Variants in YTHDF1 observed in about 807,000 individuals in gnomAD.
YTHDF1 encodes the protein YTH domain-containing family protein 1.
Under a neutral mutation model 49.1 loss-of-function variants are expected in YTHDF1, and 16 were observed. The observed-to-expected ratio is 0.33, with a 90% CI of 0.22 to 0.49. YTHDF1 has a LOEUF of 0.49. YTHDF1 is among the 20% of genes least tolerant of loss of function. YTHDF1 has a pLI of 0.99. For missense variants in YTHDF1, 621 were observed against 744.3 expected (o/e 0.83, Z 1.93); for synonymous variants, 313 against 290.1 (o/e 1.08, Z -0.80).
rs969750222 is a variant in YTHDF1, at chr20:63,203,865, C to T, written c.133-58G>A. The T allele has an allele frequency of 2.3e-5, 35 of 1,496,184 alleles. No individual in the cohort carries two copies. The South Asian group carries it at 4.3e-4, about 18-fold the overall frequency. 92.7% of individuals were successfully genotyped at this position (1,496,184 alleles called of 1,614,324 possible). ...TCTACAACACGAGATGCTGAGAATG[C>T]CAACCGCCTCTTGCTTAAGCACAGG... is the stretch of plus-strand genomic sequence containing the variant. On this transcript the variant is annotated intron_variant, in intron 3 of 4. Coordinates refer to ENST00000370339, the MANE Select transcript of YTHDF1 (RefSeq NM_017798.4). The surrounding 1 kb of genome is among the most constrained non-coding windows in gnomAD (Gnocchi z 4.4).
chr20:63,200,875 TC>T (rs1173340276), intron 4 of YTHDF1, among the ~76,000 whole-genome samples: 1 of 152,068 alleles, frequency 6.6e-6, no homozygotes, highest in Non-Finnish European at 1.5e-5. Context: ...CTTTAGCAAT[TC>T]AGTATTCATT....
intron 4 of YTHDF1, among the ~76,000 whole-genome samples, chr20:63,198,634 CA>C (rs11478753): frequency 0.36 from 51,436 of 144,214 alleles, 8,842 homozygotes; most frequent in Middle Eastern, 0.48. Flanking sequence ...TAAAATTTCT[CA>C]AAAAAAAAAA....
Position 63,213,889 on chromosome 20 carries a change from G to C in YTHDF1, c.107C>G (p.Pro36Arg). ...CTGATTTGACTGTCCAGTAAGGTAG[G>C]GCTCAAAGTCATTGTCATGAACTGT... ...KDTVHDNDFE[P>R]YLTGQSNQSN... Residue 36 changes from proline to arginine, a missense_variant, in exon 3 of 5, where the codon CCC becomes CGC. Coordinates refer to ENST00000370339, the MANE Select transcript of YTHDF1 (RefSeq NM_017798.4). The C allele has an allele frequency of 3.8e-6, 6 of 1,590,054 alleles. No individual in the cohort carries two copies. The highest frequency in any genetic ancestry group is 5.1e-6 in the Non-Finnish European group (6 of 1,173,672).
chr20:63,197,427 G>T (rs908413813), intron 4 of YTHDF1, among the ~76,000 whole-genome samples: 1 of 152,216 alleles, frequency 6.6e-6, no homozygotes, highest in Non-Finnish European at 1.5e-5. Context: ...CTTTTCCAGA[G>T]TGTATGTGAC....
intron 4 of YTHDF1, among the ~76,000 whole-genome samples, chr20:63,200,606 C>A (rs1478618044): frequency 2.0e-5 from 3 of 152,178 alleles, no homozygotes; most frequent in Non-Finnish European, 4.4e-5. Flanking sequence ...CAGATGCCCA[C>A]AGACCCTGCA....
chr20:63,209,351 G>A (rs2066563009), intron 3 of YTHDF1, among the ~76,000 whole-genome samples: 1 of 152,096 alleles, frequency 6.6e-6, no homozygotes, highest in Non-Finnish European at 1.5e-5. Context: ...AAAGCTTTAA[G>A]GTTTTTGACT....
chr20:63,196,988 G>A (rs560944656), intron 4 of YTHDF1, among the ~76,000 whole-genome samples: 43 of 152,230 alleles, frequency 2.8e-4, no homozygotes, highest in African/African-American at 9.9e-4. Flanking sequence ...CGGTCACATG[G>A]GCCACCTGTC....
At chr20:63,211,960 TACAC>T (rs57357558) in intron 3 of YTHDF1, among the ~76,000 whole-genome samples, 26,582 of 143,292 alleles carry the variant, frequency 0.19, 2,522 homozygotes, top group African/African-American at 0.25. Context: ...GTCTCCAAAA[TACAC>T]ACACACACAC....
In YTHDF1 at chr20:63,202,832, T is replaced by C; in HGVS notation, c.1108A>G (p.Lys370Glu). Reference protein sequence around the residue: ...PSVESHPVLEKLKAAHSYNPK... With the variant: ...PSVESHPVLEELKAAHSYNPK... ...TTGTAGCTGTGAGCAGCCTTCAGTT[T>C]TTCAAGGACGGGGTGGGATTCGACG... Residue 370 changes from lysine to glutamate, a missense_variant, in exon 4 of 5, where the codon AAA becomes GAA. Transcript: ENST00000370339. 6.2e-7 allele frequency: 1 copy of C among 1,613,966 alleles called. No individual in the cohort carries two copies. Among genetic ancestry groups the C allele is most frequent in the Non-Finnish European group, 8.5e-7 (1 of 1,180,048 alleles).
chr20:63,216,001 C>T lies in YTHDF1; in HGVS notation c.-109G>A. 2.9e-6 allele frequency: 3 copies of T among 1,026,344 alleles called. No homozygotes were observed. Among genetic ancestry groups the T allele is most frequent in the Non-Finnish European group, 3.6e-6 (3 of 843,198 alleles). 63.6% of individuals were successfully genotyped at this position (1,026,344 alleles called of 1,614,324 possible). On this transcript the variant is annotated 5_prime_UTR_variant, in exon 1 of 5. Coordinates refer to ENST00000370339, the MANE Select transcript of YTHDF1 (RefSeq NM_017798.4). Reference sequence around the variant, plus strand: ...GCGGCCCCGGGCCCCGCCGCCAATTCCCCGGGCGCCGGCCGGGCGGCGGCG... The same window carrying T: ...GCGGCCCCGGGCCCCGCCGCCAATTTCCCGGGCGCCGGCCGGGCGGCGGCG...
chr20:63,210,671 C>T (rs983324769), intron 3 of YTHDF1, among the ~76,000 whole-genome samples: 3 of 152,070 alleles, frequency 2.0e-5, no homozygotes, highest in Admixed American at 6.6e-5. Context: ...GCCTGTAATC[C>T]CAGCTACTCG....
chr20:63,207,803 G>A (rs145270846), intron 3 of YTHDF1, among the ~76,000 whole-genome samples: 1,561 of 152,148 alleles, frequency 0.01, 24 homozygotes, highest in African/African-American at 0.035. Flanking sequence ...TCAGGAGTTC[G>A]AGACTAGTCT....
At chr20:63,198,933 T>C (rs1601230070) in intron 4 of YTHDF1, among the ~76,000 whole-genome samples, 2 of 152,218 alleles carry the variant, frequency 1.3e-5, no homozygotes, top group South Asian at 2.1e-4. Flanking sequence ...AAAAAATGTA[T>C]CAACCCAGGA....
chr20:63,205,558 C>T (rs1249875100), intron 3 of YTHDF1, among the ~76,000 whole-genome samples: 2 of 151,602 alleles, frequency 1.3e-5, no homozygotes, highest in Non-Finnish European at 2.9e-5. Context: ...GCCCAGGCTG[C>T]AGTGCAGTGG....
intron 1 of YTHDF1, 36 bp downstream of exon 1, chr20:63,215,830 G>A: frequency 1.4e-6 from 2 of 1,453,110 alleles, no homozygotes; most frequent in Non-Finnish European, 1.8e-6. Context: ...CCGCGCCTCG[G>A]CCCCGGCCGC....
At chr20:63,204,637 T>C (rs867024839) in intron 3 of YTHDF1, among the ~76,000 whole-genome samples, 2 of 152,172 alleles carry the variant, frequency 1.3e-5, no homozygotes, top group Non-Finnish European at 2.9e-5. Flanking sequence ...GGCTTCCTTA[T>C]GAAAACATGT....
intron 4 of YTHDF1, 131 bp downstream of exon 4, chr20:63,202,156 C>T: frequency 7.8e-7 from 1 of 1,285,136 alleles, no homozygotes; most frequent in Non-Finnish European, 1.1e-6. Context: ...CACCTGCGGC[C>T]AACTGGGAGC....
intron 4 of YTHDF1, among the ~76,000 whole-genome samples, chr20:63,200,660 G>A (rs1415744804): frequency 2.0e-5 from 3 of 152,138 alleles, no homozygotes; most frequent in Non-Finnish European, 4.4e-5. Flanking sequence ...ACACACAAAA[G>A]CAGTTATCTA....
intron 3 of YTHDF1, among the ~76,000 whole-genome samples, chr20:63,208,327 G>C (rs892466856): frequency 6.6e-6 from 1 of 152,212 alleles, no homozygotes; most frequent in East Asian, 1.9e-4. Context: ...GTGAGGGAGT[G>C]ATATGGCTCC....
Sources: allele counts gnomAD v4.1 joint callset (sites outside exome capture counted in the v4.1 genomes callset), GRCh38; gene constraint gnomAD v4.1.1; non-coding constraint Gnocchi (gnomAD v3.1); transcripts MANE v1.5; gene names NCBI Gene and HGNC (gene_info 2026-07-23, HGNC 2026-07-21).